MRE11: variants seen among roughly 807,000 people sequenced by gnomAD.
MRE11 encodes double-strand break repair protein MRE11.
In MRE11, 62 loss-of-function variants were observed where a neutral mutation model predicts 91.7. The observed-to-expected ratio is 0.68, with a 90% confidence interval of 0.55 to 0.84. The LOEUF (loss-of-function observed/expected upper bound fraction) is 0.84. Ranked by LOEUF, MRE11 falls within the 40% of genes least tolerant of loss-of-function variation. The probability of loss-of-function intolerance (pLI) is 0.00; values close to 1 mark genes in which losing one functional copy is unlikely to be tolerated. For synonymous variants in MRE11, 273 were observed against 271.4 expected, an observed-to-expected ratio of 1.01 and a Z score of -0.06; for missense variants, 796 against 852.9, an observed-to-expected ratio of 0.93 and a Z score of 0.83.
rs1060504337 is a variant in MRE11 at position 94,479,664 on chromosome 11, C to T, written c.402+10G>A. 5 of 1,608,076 alleles carry T rather than the reference C, an allele frequency of 3.1e-6. No individual in the cohort carries two copies. Among genetic ancestry groups the T allele is most frequent in the Non-Finnish European group, 4.3e-6 (5 of 1,175,582 alleles). On this transcript the variant is annotated intron_variant, in intron 5 of 19. Coordinates refer to ENST00000323929, the MANE Select transcript of MRE11 (RefSeq NM_005591.4). ...AAAATTCCAACAAACTCTAAGAAAA[C>T]AATAATTACCCCTGTGGGATCGTCA...
At chr11:94,437,960 A>G (rs190299901) in intron 16 of MRE11, among the ~76,000 whole-genome samples, 2 of 152,110 alleles carry the variant, frequency 1.3e-5, no homozygotes, top group Non-Finnish European at 2.9e-5. Context: ...CCCCAACTCT[A>G]CTAAAAAATA....
In MRE11 at chr11:94,479,764, T is replaced by TAA. The variant is rs35062043; in HGVS notation, c.315-5_315-4dup. The TAA allele has an allele frequency of 1.5e-4, 192 of 1,301,566 alleles. No individual in the cohort carries two copies. The highest frequency in any genetic ancestry group is 9.8e-4 in the Middle Eastern group (5 of 5,112). The allele number at this position is 1,301,566 out of a possible 1,614,324, so 80.6% of individuals were successfully genotyped here. A position where few individuals can be genotyped will look rare whatever the true frequency, so the allele number is the denominator to read the frequency against. ...CTTGATAGTTCACCCATGGAAACCT[T>TAA]AAAAAAAAAAAGTTACTTAAAATTT... On this transcript the variant is annotated splice_polypyrimidine_tract_variant and splice_region_variant and intron_variant, in intron 4 of 19. Transcript: ENST00000323929.
intron 16 of MRE11, among the ~76,000 whole-genome samples, chr11:94,439,039 G>T (rs1945702723): frequency 6.6e-6 from 1 of 152,126 alleles, no homozygotes; most frequent in Non-Finnish European, 1.5e-5. Context: ...AATCTGGGCT[G>T]TCAACTCCTA....
At chr11:94,493,188 C>G (rs138069250) in intron 1 of MRE11, among the ~76,000 whole-genome samples, 2 of 152,048 alleles carry the variant, frequency 1.3e-5, no homozygotes, top group Non-Finnish European at 2.9e-5. Context: ...AATAAATGGG[C>G]AGAAAGGGTC....
chr11:94,437,357 T>A, intron 16 of MRE11, 122 bp from the exon 17 acceptor site: 1 of 795,854 alleles, frequency 1.3e-6, no homozygotes. Context: ...TGCCTAATTA[T>A]AAAACTATTT....
intron 17 of MRE11, 25 bp from the exon 18 acceptor site, chr11:94,435,924 C>T: frequency 6.2e-7 from 1 of 1,600,068 alleles, no homozygotes; most frequent in Non-Finnish European, 8.6e-7. Context: ...AAGCAACAAA[C>T]AGTTTTTGTG....
chr11:94,475,821 T>C (rs994600685), intron 7 of MRE11, among the ~76,000 whole-genome samples: 5 of 152,136 alleles, frequency 3.3e-5, no homozygotes. Flanking sequence ...AAAAATAAAT[T>C]ACACATCCAA....
Position 94,437,163 on chromosome 11 carries a change from A to C in MRE11, c.1926+14T>G. 3.1e-6 allele frequency: 5 copies of C among 1,606,596 alleles called. No homozygotes were observed. Among genetic ancestry groups the C allele is most frequent in the Non-Finnish European group, 4.3e-6 (5 of 1,174,478 alleles). On this transcript the variant is annotated intron_variant, in intron 17 of 19. Transcript: ENST00000323929. ...TAAATTATTAATACACAACCATAAA[A>C]CTTTTTTTCTTACCTCTGAATAATT... is the stretch of plus-strand genomic sequence containing the variant.
rs759588926 is a variant in MRE11 at position 94,470,627 on chromosome 11, C to T, written c.861G>A (p.Leu287=). 8 of 1,612,878 alleles carry T rather than the reference C, an allele frequency of 5.0e-6. No individual in the cohort carries two copies. The South Asian group carries it at 8.8e-5, about 18-fold the overall frequency. ...TATTCATCTTCCTCCCTTTAATACG[C>T]AGCAAACCAACATGTCTGAAGTGGA... ...GEAVKKHVGL[L]RIKGRKMNMH... Residue 287 remains leucine (L), a synonymous_variant, in exon 9 of 20, where the codon CTG becomes CTA. Transcript: ENST00000323929.
chr11:94,458,245 G>C (rs13447672), intron 13 of MRE11, among the ~76,000 whole-genome samples: 1 of 151,040 alleles, frequency 6.6e-6, no homozygotes, highest in African/African-American at 2.4e-5. Flanking sequence ...CTGGGAAATA[G>C]AGAAAGTGAT....
At chr11:94,501,199 T>C in the MRE11 span, among the ~76,000 whole-genome samples, 3 of 152,238 alleles carry the variant, frequency 2.0e-5, no homozygotes, top group Non-Finnish European at 4.4e-5. Flanking sequence ...ATTGATGTTT[T>C]AAATTCCTGG....
chr11:94,507,131 A>C, the MRE11 span, among the ~76,000 whole-genome samples: 1 of 152,226 alleles, frequency 6.6e-6, no homozygotes, highest in Non-Finnish European at 1.5e-5. Flanking sequence ...TCCAACAGCT[A>C]CTTTGTGCTT....
intron 14 of MRE11, among the ~76,000 whole-genome samples, chr11:94,454,835 AG>A (rs1946206202): frequency 2.0e-5 from 3 of 152,322 alleles, no homozygotes; most frequent in Admixed American, 2.0e-4. Context: ...TTAAATTGAA[AG>A]GGTTAATCAA....
chr11:94,431,088 T>A (rs1441025043), intron 18 of MRE11, among the ~76,000 whole-genome samples: 1 of 152,194 alleles, frequency 6.6e-6, no homozygotes, highest in African/African-American at 2.4e-5. Flanking sequence ...AAATTCTTAG[T>A]CTACAATTTT....
At chr11:94,490,326 G>A (rs1380152387) in intron 3 of MRE11, among the ~76,000 whole-genome samples, 1 of 152,020 alleles carries the variant, frequency 6.6e-6, no homozygotes, top group Non-Finnish European at 1.5e-5. Flanking sequence ...GCTCCCCACT[G>A]GCCAAAAGTC....
At chr11:94,505,114 G>A in the MRE11 span, among the ~76,000 whole-genome samples, 8 of 152,280 alleles carry the variant, frequency 5.3e-5, no homozygotes, top group Admixed American at 5.2e-4. Context: ...ACTACGTACA[G>A]TACACAACAC....
chr11:94,438,427 G>A (rs541944443), intron 16 of MRE11, among the ~76,000 whole-genome samples: 7 of 152,292 alleles, frequency 4.6e-5, no homozygotes, highest in Admixed American at 3.9e-4. Context: ...GAGGAGAAAC[G>A]AGAGGCAGAA....
At chr11:94,457,873 C>CCTCTCTCT (rs71305376) in intron 13 of MRE11, among the ~76,000 whole-genome samples, 20 of 144,416 alleles carry the variant, frequency 1.4e-4, no homozygotes, top group African/African-American at 3.1e-4. Context: ...TCTCTCTCTC[C>CCTCTCTCT]CTCTCTCTCT....
At chr11:94,484,352 A>C (rs1947085013) in intron 4 of MRE11, among the ~76,000 whole-genome samples, 1 of 152,250 alleles carries the variant, frequency 6.6e-6, no homozygotes, top group Non-Finnish European at 1.5e-5. Flanking sequence ...TATCACAGTT[A>C]TAACTGTTGT....
Sources: gnomAD v4.1 joint callset for allele counts (sites outside exome capture counted in the v4.1 genomes callset) on GRCh38, gnomAD v4.1.1 for gene constraint, MANE v1.5 for transcripts, NCBI Gene and HGNC (gene_info 2026-07-23, HGNC 2026-07-21) for gene names.